The following CENPC variants were observed in gnomAD, a reference collection of about 807,000 sequenced individuals.
CENPC encodes CENP-C 1.
In CENPC, 63 loss-of-function variants were observed where a neutral mutation model predicts 112.1. The observed-to-expected ratio is 0.56, with a 90% confidence interval of 0.46 to 0.69. The LOEUF is 0.69. Ranked by LOEUF, CENPC falls within the 30% of genes least tolerant of loss-of-function variation. The probability of loss-of-function intolerance (pLI) is 0.00; values close to 1 mark genes in which losing one functional copy is unlikely to be tolerated. For missense variants in CENPC, 1,000 were observed against 1,103.8 expected, an observed-to-expected ratio of 0.91 and a Z score of 1.33; for synonymous variants, 333 against 367.6, an observed-to-expected ratio of 0.91 and a Z score of 1.08.
chr4:67,483,870 A>C (rs1725019500), intron 17 of CENPC, among the ~76,000 whole-genome samples: 1 of 152,248 alleles, frequency 6.6e-6, no homozygotes, highest in South Asian at 2.1e-4. Flanking sequence ...TAAGTATTAC[A>C]AAAGAGTCCA....
At chr4:67,485,978 GA>G (rs1296330471) in intron 17 of CENPC, among the ~76,000 whole-genome samples, 1 of 151,794 alleles carries the variant, frequency 6.6e-6, no homozygotes, top group Admixed American at 6.6e-5. Flanking sequence ...CCTAAATGGG[GA>G]AAAAAGCCCC....
chr4:67,544,505 T>C (rs1464239527), intron 1 of CENPC, among the ~76,000 whole-genome samples: 2 of 152,252 alleles, frequency 1.3e-5, no homozygotes, highest in Non-Finnish European at 2.9e-5. Flanking sequence ...TATATTATTC[T>C]TTCATACAAC....
intron 16 of CENPC, among the ~76,000 whole-genome samples, chr4:67,490,535 T>C (rs1560422581): frequency 6.6e-6 from 1 of 152,004 alleles, no homozygotes; most frequent in African/African-American, 2.4e-5. Context: ...AAAATAGAAT[T>C]AGCTGAGATA....
chr4:67,527,682 G>A (rs1726424764), intron 5 of CENPC, among the ~76,000 whole-genome samples: 2 of 151,552 alleles, frequency 1.3e-5, no homozygotes, highest in African/African-American at 4.8e-5. Context: ...TGTGTTTTTT[G>A]TAGAGACAAG....
At chr4:67,512,593 C>A in intron 8 of CENPC, 24 bp from the exon 9 acceptor site, 1 of 1,461,716 alleles carries the variant, frequency 6.8e-7, no homozygotes, top group East Asian at 2.5e-5. Flanking sequence ...AACCATAAAA[C>A]CAATTCACAA....
intron 6 of CENPC, 115 bp from the exon 7 acceptor site, chr4:67,518,483 CATTT>C: frequency 9.1e-7 from 1 of 1,102,302 alleles, no homozygotes. Flanking sequence ...CTGTACTAGG[CATTT>C]ATTTAAGACA....
At chr4:67,509,158 C>T (rs1403696868) in intron 9 of CENPC, 53 bp from the exon 10 acceptor site, 8 of 1,373,186 alleles carry the variant, frequency 5.8e-6, no homozygotes, top group Non-Finnish European at 7.0e-6. Context: ...GATGATTTGG[C>T]TCACTGAAAT....
intron 1 of CENPC, among the ~76,000 whole-genome samples, chr4:67,544,649 A>T (rs1482164481): frequency 6.6e-6 from 1 of 152,228 alleles, no homozygotes; most frequent in East Asian, 1.9e-4. Flanking sequence ...TATGAAATAT[A>T]GAATAGTGAA....
chr4:67,493,263 TAAAA>T (rs769090878), intron 14 of CENPC: 3 of 153,548 alleles, frequency 2.0e-5, no homozygotes, highest in East Asian at 1.8e-4. Context: ...TGGAGGCTTT[TAAAA>T]AAAAAAAAAA....
chr4:67,491,109 C>T (rs191650), intron 16 of CENPC, among the ~76,000 whole-genome samples: 130,782 of 150,144 alleles, frequency 0.87, 57,131 homozygotes, highest in East Asian at 0.93. Flanking sequence ...ATTTTCATGG[C>T]CAAAATTTTA....
In CENPC at chr4:67,491,470, TATATATATATAG is replaced by T. The variant is rs1429407788; in HGVS notation, c.2515+698_2515+709del. Among the ~76,000 whole-genome samples the T allele has an allele frequency of 7.5e-3, 357 of 47,338 alleles. 1 individual carries two copies. The highest frequency in any genetic ancestry group is 9.4e-3 in the Non-Finnish European group (216 of 22,886). The allele number at this position is 47,338 out of a possible 152,430, so 31.1% of individuals were successfully genotyped here. The stretch of plus-strand genomic sequence containing the variant: ...TCATATATATATATATATATATATA[TATATATATATAG>T]AGAGAGAGAGAGAGAGAGAGAGAGA... On this transcript the variant is annotated intron_variant, in intron 16 of 18. Coordinates refer to ENST00000273853, the MANE Select transcript of CENPC (RefSeq NM_001812.4).
At position 67,471,439 on chromosome 4, in the gene CENPC, A is replaced by C. The variant is rs1175095494; in HGVS notation, c.*1166T>G. The C allele has an allele frequency of 6.6e-6, 1 of 152,210 alleles. No homozygotes were observed. The highest frequency in any genetic ancestry group is 1.9e-4 in the East Asian group (1 of 5,206). 9.4% of individuals were successfully genotyped at this position (152,210 alleles called of 1,614,324 possible). On this transcript the variant is annotated 3_prime_UTR_variant, in exon 19 of 19. Transcript: ENST00000273853. ...AAAGTGAAATATACTAAAGGAAAAA[A>C]AGCATTCAGTGAAAACTAAATCTGT...
intron 14 of CENPC, chr4:67,493,622 A>G (rs1725345430): frequency 6.6e-6 from 2 of 301,912 alleles, no homozygotes; most frequent in South Asian, 1.2e-4. Flanking sequence ...ACCAGTTACA[A>G]TTTTCTCACG....
intron 5 of CENPC, among the ~76,000 whole-genome samples, chr4:67,520,929 T>A (rs919151830): frequency 6.6e-6 from 1 of 151,970 alleles, no homozygotes; most frequent in Non-Finnish European, 1.5e-5. Flanking sequence ...TGAGAATCAC[T>A]TGAACCCAGG....
Position 67,512,383 on chromosome 4 carries a change from T to C in CENPC, c.1612+19A>G. The stretch of plus-strand genomic sequence containing the variant: ...TGATTTTGTCTATGAACAAACACAA[T>C]TTAAATAAAAATACTTACTCTCCTC... On this transcript the variant is annotated intron_variant, in intron 9 of 18. Coordinates refer to ENST00000273853, the MANE Select transcript of CENPC (RefSeq NM_001812.4). The C allele has an allele frequency of 6.5e-7, 1 of 1,538,474 alleles. No individual in the cohort carries two copies. The highest frequency in any genetic ancestry group is 8.8e-7 in the Non-Finnish European group (1 of 1,137,202).
chr4:67,481,478 A>T (rs1346745356), intron 17 of CENPC, among the ~76,000 whole-genome samples: 1 of 152,234 alleles, frequency 6.6e-6, no homozygotes, highest in African/African-American at 2.4e-5. Context: ...ACAAATCTGG[A>T]GGCATCACAT....
At chr4:67,508,504 T>A (rs1459429177) in intron 10 of CENPC, among the ~76,000 whole-genome samples, 1 of 118,892 alleles carries the variant, frequency 8.4e-6, no homozygotes, top group African/African-American at 3.2e-5. Flanking sequence ...AGAGGAAGAC[T>A]CTGTCTCTTA....
intron 9 of CENPC, among the ~76,000 whole-genome samples, chr4:67,511,541 G>C (rs1725891889): frequency 6.6e-6 from 1 of 152,182 alleles, no homozygotes; most frequent in East Asian, 1.9e-4. Context: ...TTCAAAGTTA[G>C]CCCTGTAAAC....
chr4:67,492,422 A>T (rs574562472), intron 15 of CENPC, 147 bp from the exon 16 acceptor site: 1 of 562,760 alleles, frequency 1.8e-6, no homozygotes, highest in African/African-American at 1.9e-5. Flanking sequence ...CACTCTGATA[A>T]ACAAAAATTC....
Sources: gnomAD v4.1 joint callset for allele counts (sites outside exome capture counted in the v4.1 genomes callset) on GRCh38, gnomAD v4.1.1 for gene constraint, MANE v1.5 for transcripts, NCBI Gene and HGNC (gene_info 2026-07-23, HGNC 2026-07-21) for gene names.